Variants in CLIC5 observed in about 807,000 individuals in gnomAD.
CLIC5 encodes CLIC family member 5.
In CLIC5, 20 loss-of-function variants were observed where a neutral mutation model predicts 24.7. The ratio of observed to expected loss-of-function variants is 0.81; its 90% CI spans 0.57 to 1.18. CLIC5 has a LOEUF of 1.18. CLIC5 is among the 50% of genes most tolerant of loss of function. The pLI is 0.00. For missense variants in CLIC5, 341 were observed against 326.1 expected (o/e 1.05, Z -0.35); for synonymous variants, 159 against 135.6 (o/e 1.17, Z -1.20).
rs1350209541 is a variant in CLIC5 at position 45,958,439 on chromosome 6, T to TATATATACACACACACACACACAC, written c.64-3196_64-3195insGTGTGTGTGTGTGTGTGTATATAT. ...AAAGACAATTATATATATATATATATATATATATATATATATATATATATA... is the reference window on the plus strand; with the variant it reads ...AAAGACAATTATATATATATATATATATATATACACACACACACACACACATATATATATATATATATATATATA... On this transcript the variant is annotated intron_variant, in intron 1 of 5. Coordinates refer to ENST00000339561, the MANE Select transcript of CLIC5 (RefSeq NM_016929.5). Among the ~76,000 whole-genome samples, 104 of 12,396 alleles carry TATATATACACACACACACACACAC rather than the reference T, an allele frequency of 8.4e-3. 9 individuals carry two copies. The highest frequency in any genetic ancestry group is 0.017 in the Non-Finnish European group (90 of 5,372). 8.1% of individuals were successfully genotyped at this position (12,396 alleles called of 152,430 possible). A position where few individuals can be genotyped will look rare whatever the true frequency, so the allele number is the denominator to read the frequency against.
intron 1 of CLIC5, among the ~76,000 whole-genome samples, chr6:46,064,470 C>T (rs1355392644): frequency 1.3e-5 from 2 of 152,092 alleles, no homozygotes; most frequent in African/African-American, 4.8e-5. Context: ...CAGACAAATA[C>T]ACCTGAATAT....
At chr6:46,119,329 G>T in the CLIC5 span, among the ~76,000 whole-genome samples, 1 of 152,110 alleles carries the variant, frequency 6.6e-6, no homozygotes, top group Non-Finnish European at 1.5e-5. Flanking sequence ...TCTCCTTTTG[G>T]GACTCTTTTA....
intron 1 of CLIC5, among the ~76,000 whole-genome samples, chr6:46,021,791 G>A (rs1221231877): frequency 6.6e-6 from 1 of 152,192 alleles, no homozygotes; most frequent in African/African-American, 2.4e-5. Context: ...ATAGATGAGG[G>A]CTTGATTACA....
intron 1 of CLIC5, among the ~76,000 whole-genome samples, chr6:46,060,781 A>G (rs1339923007): frequency 6.6e-6 from 1 of 152,134 alleles, no homozygotes; most frequent in Non-Finnish European, 1.5e-5. Flanking sequence ...TGAAAAATCC[A>G]GTCCTGTTCC....
the CLIC5 span, among the ~76,000 whole-genome samples, chr6:46,093,879 A>G: frequency 6.6e-6 from 1 of 152,246 alleles, no homozygotes; most frequent in African/African-American, 2.4e-5. Context: ...ACTGCTGTAA[A>G]GAAATACCTG....
rs1465824124 is a variant in CLIC5, at chr6:45,903,325, C to T, written c.589-70G>A. On this transcript the variant is annotated intron_variant, in intron 5 of 5. Coordinates refer to ENST00000339561, the MANE Select transcript of CLIC5 (RefSeq NM_016929.5). Reference sequence around the variant, plus strand: ...CAAATCATTAGAAAGTGTTAGTGGCCGTCCCAGTGTGTGTGCACTGCAGGA... The same window carrying T: ...CAAATCATTAGAAAGTGTTAGTGGCTGTCCCAGTGTGTGTGCACTGCAGGA... 9 of 1,440,438 alleles carry T rather than the reference C, an allele frequency of 6.2e-6. No individual in the cohort carries two copies. In the South Asian group the frequency reaches 8.2e-5, roughly 13 times the overall value. The allele number at this position is 1,440,438 out of a possible 1,614,324, so 89.2% of individuals were successfully genotyped here.
At position 45,898,462 on chromosome 6, in the gene CLIC5, T is replaced by A. The variant is rs972897133; in HGVS notation, c.*4626A>T. 1.3e-5 allele frequency: 2 copies of A among 152,640 alleles called. No homozygotes were observed. The highest frequency in any genetic ancestry group is 4.8e-5 in the African/African-American group (2 of 41,454). 9.5% of individuals were successfully genotyped at this position (152,640 alleles called of 1,614,324 possible). The stretch of plus-strand genomic sequence containing the variant: ...AGTTAGATGACCACTTTTGTAATAT[T>A]TGAAAATAAACCAACTTTATTTGAA... On this transcript the variant is annotated 3_prime_UTR_variant, in exon 6 of 6. Transcript: ENST00000339561.
At chr6:46,114,355 G>GA in the CLIC5 span, among the ~76,000 whole-genome samples, 3 of 152,236 alleles carry the variant, frequency 2.0e-5, no homozygotes. Flanking sequence ...TTTACCTATT[G>GA]GCAGCACTGC....
chr6:46,009,772 T>A (rs1766735910), intron 1 of CLIC5, among the ~76,000 whole-genome samples: 1 of 152,080 alleles, frequency 6.6e-6, no homozygotes, highest in Non-Finnish European at 1.5e-5. Context: ...ATAAAGAGGA[T>A]CCTTTACCCT....
chr6:46,031,818 A>T (rs1767506736), intron 1 of CLIC5, among the ~76,000 whole-genome samples: 1 of 150,834 alleles, frequency 6.6e-6, no homozygotes, highest in Non-Finnish European at 1.5e-5. Context: ...TCAAACTATG[A>T]AAGAGTGCAT....
At chr6:45,950,845 A>T (rs1268237368) in intron 2 of CLIC5, among the ~76,000 whole-genome samples, 3 of 152,098 alleles carry the variant, frequency 2.0e-5, no homozygotes, top group Non-Finnish European at 4.4e-5. Context: ...CATTTACTAG[A>T]TTTACTAGAA....
chr6:45,981,316 G>A (rs977856391), intron 1 of CLIC5, among the ~76,000 whole-genome samples: 1 of 151,808 alleles, frequency 6.6e-6, no homozygotes, highest in African/African-American at 2.4e-5. Flanking sequence ...CTTACTAGAT[G>A]AGTAGTATCT....
rs868136870 is a variant in CLIC5 at position 46,070,228 on chromosome 6, T to A, written c.540+9475A>T. Among the ~76,000 whole-genome samples, 3 of 152,232 alleles carry A rather than the reference T, an allele frequency of 2.0e-5. No individual in the cohort carries two copies. In the Middle Eastern group the frequency reaches 0.01, roughly 518 times the overall value. On this transcript the variant is annotated intron_variant, in intron 1 of 5. Transcript: ENST00000185206. ...GTATTGGAAGTTCTTGCCAGAACAATCAGGTAAGAGAAAGAAATAAAAGGC... is the reference window on the plus strand; with the variant it reads ...GTATTGGAAGTTCTTGCCAGAACAAACAGGTAAGAGAAAGAAATAAAAGGC...
the CLIC5 span, among the ~76,000 whole-genome samples, chr6:46,091,992 C>T: frequency 6.6e-6 from 1 of 152,182 alleles, no homozygotes; most frequent in South Asian, 2.1e-4. Context: ...CAAGCGTCCC[C>T]TTTTCTCCTC....
At chr6:46,043,591 T>C (rs530836652) in intron 1 of CLIC5, among the ~76,000 whole-genome samples, 33 of 152,292 alleles carry the variant, frequency 2.2e-4, no homozygotes, top group African/African-American at 6.0e-4. Flanking sequence ...GTGGAGAAAG[T>C]TGTTTCAAAG....
At chr6:45,967,353 A>G (rs1284948484) in intron 1 of CLIC5, among the ~76,000 whole-genome samples, 1 of 152,246 alleles carries the variant, frequency 6.6e-6, no homozygotes, top group East Asian at 1.9e-4. Flanking sequence ...AGCAAAAGGT[A>G]AAGACATGAT....
At chr6:45,937,114 C>T (rs1468784760) in intron 4 of CLIC5, among the ~76,000 whole-genome samples, 1 of 152,094 alleles carries the variant, frequency 6.6e-6, no homozygotes, top group Admixed American at 6.6e-5. Flanking sequence ...GCCACTGACG[C>T]TCCTTGATGA....
At chr6:46,047,576 C>T (rs1023850482) in intron 1 of CLIC5, among the ~76,000 whole-genome samples, 1 of 152,150 alleles carries the variant, frequency 6.6e-6, no homozygotes, top group Non-Finnish European at 1.5e-5. Flanking sequence ...CAGGAATATA[C>T]ACAATAATGC....
At chr6:46,050,102 C>T (rs1486767550) in intron 1 of CLIC5, among the ~76,000 whole-genome samples, 2 of 152,144 alleles carry the variant, frequency 1.3e-5, no homozygotes, top group African/African-American at 4.8e-5. Context: ...CATTTTAAAG[C>T]CCAATGGATG....
Sources: gnomAD v4.1 joint callset for allele counts (sites outside exome capture counted in the v4.1 genomes callset) on GRCh38, gnomAD v4.1.1 for gene constraint, MANE v1.5 for transcripts, NCBI Gene and HGNC (gene_info 2026-07-23, HGNC 2026-07-21) for gene names.